TIAM2: variants seen among roughly 807,000 people sequenced by gnomAD.
TIAM2 encodes the protein TIAM Rac1 associated GEF 2.
A neutral mutation model predicts 152.9 loss-of-function variants in TIAM2; 80 were observed. The ratio of observed to expected loss-of-function variants is 0.52; its 90% CI spans 0.44 to 0.63. The LOEUF is 0.63. TIAM2 is among the 30% of genes least tolerant of loss of function. TIAM2 has a pLI of 0.00. For synonymous variants in TIAM2, 804 were observed against 838.0 expected, an observed-to-expected ratio of 0.96 and a Z score of 0.70; for missense variants, 1,965 against 2,120.1, an observed-to-expected ratio of 0.93 and a Z score of 1.44.
Position 155,165,261 on chromosome 6 carries a change from A to G in TIAM2, c.2215-2A>G. On this transcript the variant is annotated splice_acceptor_variant, in intron 8 of 26. Coordinates refer to ENST00000682666, the MANE Select transcript of TIAM2 (RefSeq NM_012454.4). LOFTEE classifies it high-confidence loss of function. The stretch of plus-strand genomic sequence containing the variant: ...TTTTTTTTAAACTGTGTTTTACATT[A>G]GGTATGTTCTAGAGATGACTCTGCT... The G allele has an allele frequency of 6.2e-7, 1 of 1,603,104 alleles. No individual in the cohort carries two copies. The highest frequency in any genetic ancestry group is 8.5e-7 in the Non-Finnish European group (1 of 1,177,172).
intron 7 of TIAM2, among the ~76,000 whole-genome samples, chr6:155,164,133 G>GGTTTTTTTTTTTTTT (rs1486476778): frequency 8.5e-6 from 1 of 118,006 alleles, no homozygotes; most frequent in Non-Finnish European, 1.7e-5. Context: ...TAATTTTTGT[G>GGTTTTTTTTTTTTTT]TTTTTTTTTT....
rs555117036 is a variant in TIAM2 at position 155,218,512 on chromosome 6, G to C, written c.3168+7205G>C. Among the ~76,000 whole-genome samples, 7 of 152,296 alleles carry C rather than the reference G, an allele frequency of 4.6e-5. No homozygotes were observed. The highest frequency in any genetic ancestry group is 1.7e-4 in the African/African-American group (7 of 41,552). ...TTACCCAACCTTTGTAAGCCTGTGT[G>C]TCCTCCTCTATGAATAAACATAACA... is the stretch of plus-strand genomic sequence containing the variant. On this transcript the variant is annotated intron_variant, in intron 15 of 26. Transcript: ENST00000682666. The surrounding 1 kb of genome is among the most constrained non-coding windows in gnomAD (Gnocchi z 4.5).
At chr6:155,220,480 T>C (rs1782005643) in intron 15 of TIAM2, among the ~76,000 whole-genome samples, 1 of 152,148 alleles carries the variant, frequency 6.6e-6, no homozygotes, top group African/African-American at 2.4e-5. Context: ...GCCCCACCAG[T>C]GCTTGTGTCT....
At chr6:155,240,500 C>T (rs1274862441) in intron 15 of TIAM2, 30 bp from the exon 16 acceptor site, 1 of 1,580,332 alleles carries the variant, frequency 6.3e-7, no homozygotes, top group Non-Finnish European at 8.6e-7. Flanking sequence ...GAGGCCCGTG[C>T]ATTATTTTCC....
At chr6:155,034,259 T>TG (rs1776880759) in intron 1 of TIAM2, among the ~76,000 whole-genome samples, 1 of 152,164 alleles carries the variant, frequency 6.6e-6, no homozygotes, top group African/African-American at 2.4e-5. Flanking sequence ...TTTTTGTTTT[T>TG]GTTTTGTTTG....
chr6:155,078,691 C>G (rs1342498457), intron 1 of TIAM2, among the ~76,000 whole-genome samples: 1 of 152,214 alleles, frequency 6.6e-6, no homozygotes, highest in Non-Finnish European at 1.5e-5. Flanking sequence ...CTCGGTGATC[C>G]TAACAGCCTC....
At chr6:155,114,995 T>C (rs957881021) in intron 2 of TIAM2, among the ~76,000 whole-genome samples, 2 of 151,858 alleles carry the variant, frequency 1.3e-5, no homozygotes. Flanking sequence ...TCCTGGCTAA[T>C]TTTTGTATCT....
intron 15 of TIAM2, among the ~76,000 whole-genome samples, chr6:155,219,690 G>A (rs965803502): frequency 6.6e-6 from 1 of 152,016 alleles, no homozygotes; most frequent in Non-Finnish European, 1.5e-5. Flanking sequence ...TCTATCCTTG[G>A]TCATTAGGGT....
intron 5 of TIAM2, among the ~76,000 whole-genome samples, chr6:155,142,170 C>G (rs1253912078): frequency 2.0e-5 from 3 of 152,238 alleles, no homozygotes; most frequent in Admixed American, 6.5e-5. Context: ...CCCGTTTCCA[C>G]TGGCCCCAGT....
At chr6:155,008,010 T>A (rs1156549030) in intron 1 of TIAM2, among the ~76,000 whole-genome samples, 2 of 152,182 alleles carry the variant, frequency 1.3e-5, no homozygotes, top group Non-Finnish European at 2.9e-5. Context: ...ACAGTTGGAA[T>A]TTTCGGCAAA....
intron 9 of TIAM2, among the ~76,000 whole-genome samples, chr6:155,169,965 C>T (rs144940834): frequency 2.0e-5 from 3 of 152,042 alleles, no homozygotes. Context: ...ATTACAGGCA[C>T]CTGCCACCAA....
chr6:155,029,543 AT>A (rs1776771931), intron 1 of TIAM2, among the ~76,000 whole-genome samples: 1 of 41,002 alleles, frequency 2.4e-5, no homozygotes, highest in Admixed American at 3.5e-4. Flanking sequence ...AATAATATAT[AT>A]TATGTAGTAT....
At chr6:155,050,483 A>G (rs569450594) in intron 1 of TIAM2, among the ~76,000 whole-genome samples, 1 of 152,352 alleles carries the variant, frequency 6.6e-6, no homozygotes, top group Admixed American at 6.5e-5. Flanking sequence ...ATCTCAAAAA[A>G]TTAGTCATGG....
intron 4 of TIAM2, among the ~76,000 whole-genome samples, chr6:155,136,705 A>G (rs1052127455): frequency 1.3e-5 from 2 of 152,214 alleles, no homozygotes; most frequent in Admixed American, 1.3e-4. Flanking sequence ...TTGCATAACA[A>G]TACTGAGTCC....
chr6:155,178,679 A>AT (rs772894336), intron 10 of TIAM2, among the ~76,000 whole-genome samples: 278 of 152,038 alleles, frequency 1.8e-3, no homozygotes, highest in Non-Finnish European at 3.1e-3. Context: ...GGTTCAATCG[A>AT]TTCTCCTGCC....
At chr6:155,154,276 A>G (rs186625116) in intron 7 of TIAM2, among the ~76,000 whole-genome samples, 3 of 152,340 alleles carry the variant, frequency 2.0e-5, no homozygotes, top group Admixed American at 1.3e-4. Flanking sequence ...AGAATGTGCA[A>G]TGTAGGTGAC....
At chr6:155,107,830 A>G (rs981230939) in intron 2 of TIAM2, among the ~76,000 whole-genome samples, 1 of 152,140 alleles carries the variant, frequency 6.6e-6, no homozygotes, top group Non-Finnish European at 1.5e-5. Context: ...GGGTATTTGA[A>G]ACACCAGAAG....
chr6:155,021,791 C>G (rs1358669692), intron 1 of TIAM2, among the ~76,000 whole-genome samples: 1 of 152,180 alleles, frequency 6.6e-6, no homozygotes, highest in Non-Finnish European at 1.5e-5. Flanking sequence ...AAAGGTAGGA[C>G]TGAAACTCAA....
chr6:155,151,285 GT>G (rs750258063), intron 7 of TIAM2, among the ~76,000 whole-genome samples: 1 of 152,196 alleles, frequency 6.6e-6, no homozygotes, highest in African/African-American at 2.4e-5. Context: ...TATCTTGAAG[GT>G]TGGTGCGCCC....
Sources: allele counts gnomAD v4.1 joint callset (sites outside exome capture counted in the v4.1 genomes callset), GRCh38; gene constraint gnomAD v4.1.1; non-coding constraint Gnocchi (gnomAD v3.1); transcripts MANE v1.5; gene names NCBI Gene and HGNC (gene_info 2026-07-23, HGNC 2026-07-21).